MAGI2: variants seen among roughly 807,000 people sequenced by gnomAD.
MAGI2 encodes the protein membrane associated guanylate kinase, WW and PDZ domain containing 2.
Under a neutral mutation model 133.3 loss-of-function variants are expected in MAGI2, and 35 were observed. The observed-to-expected ratio is 0.26, with a 90% CI of 0.20 to 0.35. The LOEUF is 0.35. MAGI2 is among the 10% of genes least tolerant of loss of function. The pLI, the probability that MAGI2 is intolerant of heterozygous loss-of-function variation, is 1.00. For missense variants in MAGI2, 1,636 were observed against 1,863.4 expected (o/e 0.88, Z 2.25); for synonymous variants, 729 against 710.6 (o/e 1.03, Z -0.41).
chr7:79,432,367 C>T (rs556887567), intron 1 of MAGI2, among the ~76,000 whole-genome samples: 2 of 152,244 alleles, frequency 1.3e-5, no homozygotes, highest in South Asian at 2.1e-4. Context: ...TATAGGTGTC[C>T]CATGATGATA....
At chr7:78,498,128 A>G (rs1265913701) in intron 5 of MAGI2, among the ~76,000 whole-genome samples, 1 of 152,100 alleles carries the variant, frequency 6.6e-6, no homozygotes, top group Non-Finnish European at 1.5e-5. Flanking sequence ...AATGGCTGAG[A>G]GTAGATTTTA....
intron 2 of MAGI2, among the ~76,000 whole-genome samples, chr7:78,913,555 C>A (rs1798572629): frequency 6.6e-6 from 1 of 152,136 alleles, no homozygotes; most frequent in African/African-American, 2.4e-5. Flanking sequence ...TATGGCAATG[C>A]AAGAATAGCC....
chr7:79,261,624 T>G (rs1229858839), intron 1 of MAGI2, among the ~76,000 whole-genome samples: 1 of 152,176 alleles, frequency 6.6e-6, no homozygotes, highest in Non-Finnish European at 1.5e-5. Context: ...GCAAACTACA[T>G]TCATATTCCT....
intron 21 of MAGI2, among the ~76,000 whole-genome samples, chr7:78,076,643 G>C (rs543728206): frequency 6.7e-6 from 1 of 149,078 alleles, no homozygotes; most frequent in East Asian, 2.0e-4. Context: ...TCAGGAGATC[G>C]AGACCATCCT....
intron 1 of MAGI2, among the ~76,000 whole-genome samples, chr7:79,057,723 G>A (rs376695117): frequency 3.0e-4 from 45 of 152,220 alleles, no homozygotes; most frequent in East Asian, 1.2e-3. Context: ...TCCGAGAACC[G>A]ATTCACATCT....
intron 1 of MAGI2, among the ~76,000 whole-genome samples, chr7:79,249,748 A>C (rs541582694): frequency 6.6e-6 from 1 of 152,296 alleles, no homozygotes; most frequent in Non-Finnish European, 1.5e-5. Context: ...AATCCTATTC[A>C]AACTATCCTG....
At chr7:79,091,337 C>G (rs1159867468) in intron 1 of MAGI2, among the ~76,000 whole-genome samples, 4 of 152,122 alleles carry the variant, frequency 2.6e-5, no homozygotes, top group Non-Finnish European at 4.4e-5. Flanking sequence ...AGCATCATAA[C>G]TCTTTCAGAG....
At chr7:78,654,314 C>T (rs1811898238) in intron 2 of MAGI2, among the ~76,000 whole-genome samples, 1 of 152,070 alleles carries the variant, frequency 6.6e-6, no homozygotes. Flanking sequence ...AAATTGGTAA[C>T]ATTTATAAAT....
In MAGI2 at chr7:78,438,866, C is replaced by T. The variant is rs185578128; in HGVS notation, c.1045+50895G>A. 1.4e-4 allele frequency among the ~76,000 whole-genome samples: 22 copies of T among 152,246 alleles called. No homozygotes were observed. The East Asian group carries it at 3.3e-3, about 23-fold the overall frequency. ...TGGCATAATTAACGGGCTGTTAAGA[C>T]GCTTCTATTTTGCTTGCCTTTAAAA... On this transcript the variant is annotated intron_variant, in intron 6 of 21. Transcript: ENST00000354212.
intron 2 of MAGI2, among the ~76,000 whole-genome samples, chr7:78,911,947 C>T (rs1056952614): frequency 6.6e-6 from 1 of 152,022 alleles, no homozygotes; most frequent in Non-Finnish European, 1.5e-5. Context: ...TAAAAAAGAG[C>T]AAGATCATGT....
chr7:79,380,724 A>G (rs183834130), intron 1 of MAGI2, among the ~76,000 whole-genome samples: 49 of 151,864 alleles, frequency 3.2e-4, no homozygotes, highest in African/African-American at 1.1e-3. Context: ...TCACTAAATG[A>G]GAAGTTGCAA....
intron 3 of MAGI2, among the ~76,000 whole-genome samples, chr7:78,546,597 C>G (rs1798862349): frequency 6.6e-6 from 1 of 152,008 alleles, no homozygotes; most frequent in Non-Finnish European, 1.5e-5. Context: ...AGTATATTGC[C>G]AACAGCTGTG....
chr7:78,268,911 T>G (rs1794284770), intron 9 of MAGI2, among the ~76,000 whole-genome samples: 1 of 152,144 alleles, frequency 6.6e-6, no homozygotes, highest in Non-Finnish European at 1.5e-5. Context: ...CATTAGGTAT[T>G]TCTCCTAATG....
At chr7:78,923,286 G>A (rs1452143227) in intron 2 of MAGI2, among the ~76,000 whole-genome samples, 3 of 152,182 alleles carry the variant, frequency 2.0e-5, no homozygotes, top group African/African-American at 7.2e-5. Context: ...TGTCCTAAAT[G>A]GTAATGCCTA....
At chr7:79,117,521 G>T (rs1270868903) in intron 1 of MAGI2, among the ~76,000 whole-genome samples, 1 of 151,940 alleles carries the variant, frequency 6.6e-6, no homozygotes, top group Admixed American at 6.6e-5. Flanking sequence ...TTCATTTTTG[G>T]TATTTATTTC....
At chr7:78,891,465 T>C (rs1473285467) in intron 2 of MAGI2, among the ~76,000 whole-genome samples, 1 of 152,188 alleles carries the variant, frequency 6.6e-6, no homozygotes, top group East Asian at 1.9e-4. Flanking sequence ...TGAACATCGA[T>C]GCAAACATCC....
At chr7:79,420,331 C>T (rs997776484) in intron 1 of MAGI2, among the ~76,000 whole-genome samples, 4 of 151,974 alleles carry the variant, frequency 2.6e-5, no homozygotes, top group Non-Finnish European at 4.4e-5. Flanking sequence ...TAACACATGA[C>T]ATTAAAATCA....
intron 12 of MAGI2, among the ~76,000 whole-genome samples, chr7:78,193,910 C>T (rs1584340795): frequency 1.3e-5 from 2 of 152,162 alleles, no homozygotes; most frequent in South Asian, 4.1e-4. Flanking sequence ...TTCCCCTTTA[C>T]CAGCTGGGTG....
chr7:79,166,724 A>C (rs2129548176), intron 1 of MAGI2, among the ~76,000 whole-genome samples: 1 of 152,222 alleles, frequency 6.6e-6, no homozygotes, highest in Admixed American at 6.5e-5. Flanking sequence ...TAGATAATTC[A>C]GTTTAAATTT....
Sources: gnomAD v4.1 joint callset for allele counts (sites outside exome capture counted in the v4.1 genomes callset) on GRCh38, gnomAD v4.1.1 for gene constraint, MANE v1.5 for transcripts, NCBI Gene and HGNC (gene_info 2026-07-23, HGNC 2026-07-21) for gene names.